GPC5: variants seen among roughly 807,000 people sequenced by gnomAD.
GPC5 encodes glypican 5, also known as glypican-5.
GPC5 carries 47 observed loss-of-function variants against 53.9 expected under a neutral mutation model. That is an observed-to-expected ratio of 0.87 (90% confidence interval 0.69 to 1.11). The LOEUF (loss-of-function observed/expected upper bound fraction) is 1.11, where lower values mean the gene tolerates loss of function less well. GPC5 is among the 50% of genes most tolerant of loss of function. GPC5 has a pLI of 0.00. For synonymous variants in GPC5, 286 were observed against 263.3 expected (o/e 1.09, Z -0.84); for missense variants, 748 against 713.1 (o/e 1.05, Z -0.56).
intron 6 of GPC5, among the ~76,000 whole-genome samples, chr13:91,938,449 C>G (rs1379173364): frequency 2.6e-5 from 4 of 152,072 alleles, no homozygotes; most frequent in Non-Finnish European, 4.4e-5. Context: ...CCGACCCGGC[C>G]CCAACTCCAG....
At chr13:91,567,539 A>G (rs1255185414) in intron 2 of GPC5, among the ~76,000 whole-genome samples, 1 of 152,154 alleles carries the variant, frequency 6.6e-6, no homozygotes, top group African/African-American at 2.4e-5. Context: ...GAGGTTTTTT[A>G]ATAGAGATTT....
At chr13:92,318,171 A>G (rs1193701854) in intron 7 of GPC5, among the ~76,000 whole-genome samples, 4 of 152,160 alleles carry the variant, frequency 2.6e-5, no homozygotes, top group Non-Finnish European at 5.9e-5. Flanking sequence ...CATCTTTTCC[A>G]TTCACTTTTA....
intron 7 of GPC5, among the ~76,000 whole-genome samples, chr13:92,518,850 C>T (rs1366621269): frequency 6.6e-6 from 1 of 152,126 alleles, no homozygotes; most frequent in African/African-American, 2.4e-5. Flanking sequence ...GATAAAGAGT[C>T]AAGACCCTTC....
At chr13:92,055,604 T>A (rs566583057) in intron 6 of GPC5, among the ~76,000 whole-genome samples, 1 of 152,312 alleles carries the variant, frequency 6.6e-6, no homozygotes. Context: ...AGCAACAACA[T>A]TTACTGCCTA....
At chr13:91,510,505 A>C (rs185203911) in intron 2 of GPC5, among the ~76,000 whole-genome samples, 1 of 152,330 alleles carries the variant, frequency 6.6e-6, no homozygotes, top group Admixed American at 6.5e-5. Flanking sequence ...AAACATTTAT[A>C]GATATATAAT....
intron 7 of GPC5, among the ~76,000 whole-genome samples, chr13:92,278,497 A>C (rs2139165025): frequency 6.6e-6 from 1 of 152,158 alleles, no homozygotes; most frequent in Admixed American, 6.5e-5. Flanking sequence ...AAAAAGTCTA[A>C]AAGACAACTT....
intron 7 of GPC5, among the ~76,000 whole-genome samples, chr13:92,842,733 G>A (rs1486560600): frequency 1.3e-5 from 2 of 150,166 alleles, no homozygotes; most frequent in Non-Finnish European, 3.0e-5. Context: ...AAGAGAGCCA[G>A]GACTAAAACA....
At chr13:92,732,696 T>C (rs976195708) in intron 7 of GPC5, among the ~76,000 whole-genome samples, 1 of 151,740 alleles carries the variant, frequency 6.6e-6, no homozygotes, top group African/African-American at 2.4e-5. Context: ...TCTTAAGGAA[T>C]GAAAGAAGTT....
intron 7 of GPC5, among the ~76,000 whole-genome samples, chr13:92,357,229 C>T (rs1249375701): frequency 6.6e-6 from 1 of 151,696 alleles, no homozygotes; most frequent in South Asian, 2.1e-4. Flanking sequence ...TGGGTATATA[C>T]CCAGTAATGG....
At chr13:91,828,428 T>C (rs1293801712) in intron 5 of GPC5, among the ~76,000 whole-genome samples, 1 of 151,884 alleles carries the variant, frequency 6.6e-6, no homozygotes, top group Non-Finnish European at 1.5e-5. Context: ...CACACACAAA[T>C]ACTTCCTTGT....
chr13:92,441,219 C>G (rs910490448), intron 7 of GPC5, among the ~76,000 whole-genome samples: 10 of 152,228 alleles, frequency 6.6e-5, no homozygotes, highest in Admixed American at 4.6e-4. Flanking sequence ...TAGGTGTGCA[C>G]CACCACACCT....
At chr13:92,425,344 C>T (rs1876784978) in intron 7 of GPC5, among the ~76,000 whole-genome samples, 1 of 151,988 alleles carries the variant, frequency 6.6e-6, no homozygotes, top group South Asian at 2.1e-4. Flanking sequence ...CCCACCTCTA[C>T]CCTCTCCCAC....
intron 7 of GPC5, among the ~76,000 whole-genome samples, chr13:92,350,261 G>A (rs2043464867): frequency 1.3e-5 from 2 of 151,474 alleles, no homozygotes; most frequent in South Asian, 2.1e-4. Flanking sequence ...TATATGAGAA[G>A]TCCACAGCTA....
At chr13:92,228,909 G>A (rs949184827) in intron 7 of GPC5, among the ~76,000 whole-genome samples, 1 of 152,010 alleles carries the variant, frequency 6.6e-6, no homozygotes, top group Admixed American at 6.6e-5. Flanking sequence ...CCATTTTGAT[G>A]ATATTGATAG....
At chr13:92,163,770 CA>C (rs1488529821) in intron 7 of GPC5, among the ~76,000 whole-genome samples, 1 of 150,760 alleles carries the variant, frequency 6.6e-6, no homozygotes, top group Non-Finnish European at 1.5e-5. Context: ...TCATAAAATG[CA>C]AATTAAAATA....
At chr13:91,851,755 G>GT (rs1158579329) in intron 5 of GPC5, among the ~76,000 whole-genome samples, 1 of 140,702 alleles carries the variant, frequency 7.1e-6, no homozygotes, top group Non-Finnish European at 1.5e-5. Flanking sequence ...GCGGTGTTTG[G>GT]TTTTTTGTTC....
At chr13:91,492,440 A>T (rs1375234537) in intron 2 of GPC5, among the ~76,000 whole-genome samples, 1 of 152,178 alleles carries the variant, frequency 6.6e-6, no homozygotes, top group East Asian at 1.9e-4. Flanking sequence ...GGGGTGGGGA[A>T]GGGGCCACAG....
chr13:92,663,615 T>TACTATATATATACTATATATACAC (rs1268642341), intron 7 of GPC5, among the ~76,000 whole-genome samples: 4 of 82,470 alleles, frequency 4.9e-5, no homozygotes, highest in African/African-American at 7.0e-5. Context: ...TATATATATC[T>TACTATATATATACTATATATACAC]ACTATATATA....
chr13:92,031,873 T>TAA (rs1288258659), intron 6 of GPC5, among the ~76,000 whole-genome samples: 1 of 82,176 alleles, frequency 1.2e-5, no homozygotes, highest in Non-Finnish European at 2.3e-5. Context: ...ATATTATATA[T>TAA]AACATATATT....
Sources: allele counts gnomAD v4.1 joint callset (sites outside exome capture counted in the v4.1 genomes callset), GRCh38; gene constraint gnomAD v4.1.1; transcripts MANE v1.5; gene names NCBI Gene and HGNC (gene_info 2026-07-23, HGNC 2026-07-21).